HMGCLL1: variants seen among roughly 807,000 people sequenced by gnomAD.
HMGCLL1 encodes the protein 3-hydroxy-3-methylglutaryl-CoA lyase like 1, also known as 3-hydroxymethyl-3-methylglutaryl-CoA lyase, cytoplasmic.
HMGCLL1 carries 36 observed loss-of-function variants against 39.1 expected under a neutral mutation model. The observed-to-expected ratio is 0.92, with a 90% CI of 0.71 to 1.22. The LOEUF (loss-of-function observed/expected upper bound fraction) is 1.22, where lower values mean the gene tolerates loss of function less well. Among genes scored for constraint, HMGCLL1 ranks in the 50% most tolerant of loss-of-function variants. The pLI, the probability that HMGCLL1 is intolerant of heterozygous loss-of-function variation, is 0.00. For missense variants in HMGCLL1, 451 were observed against 416.5 expected, an observed-to-expected ratio of 1.08 and a Z score of -0.72; for synonymous variants, 149 against 144.0, an observed-to-expected ratio of 1.03 and a Z score of -0.25.
chr6:55,591,205 T>G, the HMGCLL1 span, among the ~76,000 whole-genome samples: 1 of 152,010 alleles, frequency 6.6e-6, no homozygotes, highest in East Asian at 1.9e-4. Flanking sequence ...GACTCTTCAT[T>G]CTAGAGATTC....
chr6:55,665,416 G>A, the HMGCLL1 span, among the ~76,000 whole-genome samples: 2 of 151,632 alleles, frequency 1.3e-5, no homozygotes, highest in African/African-American at 4.8e-5. Context: ...GCAGCCACAA[G>A]GTAATTTAAG....
chr6:55,534,377 G>A (rs1768884585), intron 3 of HMGCLL1, among the ~76,000 whole-genome samples: 1 of 152,038 alleles, frequency 6.6e-6, no homozygotes, highest in South Asian at 2.1e-4. Flanking sequence ...TTGAAACTCG[G>A]TGGGCTTTGT....
intron 4 of HMGCLL1, among the ~76,000 whole-genome samples, chr6:55,514,843 A>C (rs573431984): frequency 6.6e-6 from 1 of 152,190 alleles, no homozygotes; most frequent in East Asian, 1.9e-4. Flanking sequence ...CAGGCTCTCC[A>C]GTGACTTGTT....
intron 7 of HMGCLL1, among the ~76,000 whole-genome samples, chr6:55,461,891 T>C (rs1764582305): frequency 1.3e-5 from 2 of 152,132 alleles, no homozygotes; most frequent in Admixed American, 1.3e-4. Flanking sequence ...ATCTCTAGTT[T>C]TAGAAGAAGA....
intron 7 of HMGCLL1, among the ~76,000 whole-genome samples, chr6:55,481,588 A>G (rs1765745119): frequency 6.6e-6 from 1 of 152,096 alleles, no homozygotes; most frequent in Admixed American, 6.6e-5. Context: ...AGTGAGATCT[A>G]CACTCTTAGA....
chr6:55,595,797 A>C, the HMGCLL1 span, among the ~76,000 whole-genome samples: 17 of 152,182 alleles, frequency 1.1e-4, no homozygotes. Context: ...TAAAGATGTA[A>C]AATTTTATAT....
At chr6:55,602,123 A>G in the HMGCLL1 span, among the ~76,000 whole-genome samples, 1 of 152,122 alleles carries the variant, frequency 6.6e-6, no homozygotes, top group Non-Finnish European at 1.5e-5. Flanking sequence ...TGGAAAGATT[A>G]TGATAAATAA....
chr6:55,439,422 A>G lies in HMGCLL1; in HGVS notation c.921+12T>C. The G allele has an allele frequency of 1.9e-6, 3 of 1,601,492 alleles. No homozygotes were observed. The highest frequency in any genetic ancestry group is 2.6e-6 in the Non-Finnish European group (3 of 1,171,550). ...GAATGCATGAATATTAAAATACGTT[A>G]AAGTAACTTACTGTATTGAGCCCCA... On this transcript the variant is annotated intron_variant, in intron 8 of 8. Transcript: ENST00000274901.
intron 7 of HMGCLL1, among the ~76,000 whole-genome samples, chr6:55,461,663 T>G (rs1581806533): frequency 6.6e-6 from 1 of 152,264 alleles, no homozygotes; most frequent in East Asian, 1.9e-4. Context: ...AAGGTAACCA[T>G]GATGTTATCA....
intron 3 of HMGCLL1, among the ~76,000 whole-genome samples, chr6:55,541,215 CAA>C (rs1376635566): frequency 6.6e-6 from 1 of 152,058 alleles, no homozygotes; most frequent in Non-Finnish European, 1.5e-5. Context: ...TCTTTCAAGG[CAA>C]AATTCTAGAT....
Position 55,541,812 on chromosome 6 carries a change from T to C in HMGCLL1, c.214A>G (p.Ile72Val). 6.2e-7 allele frequency: 1 copy of C among 1,601,596 alleles called. No individual in the cohort carries two copies. Among genetic ancestry groups the C allele is most frequent in the South Asian group, 1.1e-5 (1 of 90,046 alleles). Residue 72 changes from isoleucine to valine, a missense_variant, in exon 3 of 9, where the codon ATT becomes GTT. Physicochemically the swap from Ile to Val is conservative, Grantham distance 29 (BLOSUM62 3). Coordinates refer to ENST00000274901, the MANE Select transcript of HMGCLL1 (RefSeq NM_001042406.2). The part of the protein sequence containing the change: ...EKVIVPTDIK[I>V]EFINRLSQTG... ...TGGGAAAGTCGATTGATAAATTCAA[T>C]TTTTATATCTGTAGGAACTATAACC...
chr6:55,670,606 T>G, the HMGCLL1 span, among the ~76,000 whole-genome samples: 1 of 151,790 alleles, frequency 6.6e-6, no homozygotes, highest in Non-Finnish European at 1.5e-5. Context: ...GTTTCCATAT[T>G]CCTACTGAAG....
chr6:55,592,877 GC>G, the HMGCLL1 span, among the ~76,000 whole-genome samples: 10 of 152,178 alleles, frequency 6.6e-5, no homozygotes, highest in South Asian at 2.1e-3. Context: ...AAGTAAGAGA[GC>G]CAGAATTCAA....
At chr6:55,629,089 C>G in the HMGCLL1 span, among the ~76,000 whole-genome samples, 1 of 152,104 alleles carries the variant, frequency 6.6e-6, no homozygotes, top group African/African-American at 2.4e-5. Flanking sequence ...GGGGTTGGAA[C>G]AGTTTGGAGG....
chr6:55,502,030 T>C (rs142095234), intron 5 of HMGCLL1, among the ~76,000 whole-genome samples: 2 of 151,944 alleles, frequency 1.3e-5, no homozygotes, highest in East Asian at 3.9e-4. Flanking sequence ...ATCTTATTCC[T>C]TATTTCTGGT....
At chr6:55,475,515 T>C (rs184274717) in intron 7 of HMGCLL1, among the ~76,000 whole-genome samples, 24 of 151,772 alleles carry the variant, frequency 1.6e-4, no homozygotes, top group East Asian at 3.9e-4. Flanking sequence ...AGTTTTCTGA[T>C]AGATCCAAGA....
intron 3 of HMGCLL1, among the ~76,000 whole-genome samples, chr6:55,526,076 C>T (rs558470305): frequency 1.3e-5 from 2 of 151,938 alleles, no homozygotes; most frequent in African/African-American, 2.4e-5. Context: ...ACTTCGTTAT[C>T]ATCTTCTTAC....
intron 3 of HMGCLL1, among the ~76,000 whole-genome samples, chr6:55,523,311 C>G (rs1768130938): frequency 6.6e-6 from 1 of 151,934 alleles, no homozygotes; most frequent in Admixed American, 6.6e-5. Context: ...TCTAAATAAT[C>G]TAAACAGTCA....
the HMGCLL1 span, among the ~76,000 whole-genome samples, chr6:55,598,778 C>T: frequency 1.6e-4 from 25 of 152,182 alleles, no homozygotes; most frequent in African/African-American, 6.0e-4. Context: ...GAGTAATAGA[C>T]ACACTGTTGT....
Sources: allele counts gnomAD v4.1 joint callset (sites outside exome capture counted in the v4.1 genomes callset), GRCh38; gene constraint gnomAD v4.1.1; transcripts MANE v1.5; gene names NCBI Gene and HGNC (gene_info 2026-07-23, HGNC 2026-07-21).